Variants in CALN1 observed in about 807,000 individuals in gnomAD.
CALN1 encodes calcium-binding protein 8.
A neutral mutation model predicts 30.6 loss-of-function variants in CALN1; 17 were observed. The observed-to-expected ratio is 0.56, with a 90% confidence interval of 0.38 to 0.83. The LOEUF (loss-of-function observed/expected upper bound fraction) is 0.83. Among genes scored for constraint, CALN1 ranks in the 40% least tolerant of loss-of-function variants. The pLI is 0.00. For missense variants in CALN1, 291 were observed against 354.9 expected (o/e 0.82, Z 1.45); for synonymous variants, 156 against 131.4 (o/e 1.19, Z -1.28).
intron 5 of CALN1, among the ~76,000 whole-genome samples, chr7:71,895,897 C>G (rs568978526): frequency 6.6e-6 from 1 of 152,274 alleles, no homozygotes; most frequent in East Asian, 1.9e-4. Context: ...CCCATCATTA[C>G]CTTAGATTCT....
chr7:72,110,630 C>A (rs1217934370), intron 3 of CALN1, among the ~76,000 whole-genome samples: 1 of 150,374 alleles, frequency 6.7e-6, no homozygotes, highest in Non-Finnish European at 1.5e-5. Context: ...GTCTGTCTGT[C>A]TGCAGAAGCA....
In CALN1 at chr7:72,202,365, GAGT is replaced by G. The variant is rs1286436391; in HGVS notation, c.244+76318_244+76320del. ...TAAATATAATAAATTTTTCAGAATA[GAGT>G]AGAACAAAAACAACAAACTAATGAA... On this transcript the variant is annotated intron_variant, in intron 3 of 6. Transcript: ENST00000395275. 3.3e-5 allele frequency among the ~76,000 whole-genome samples: 5 copies of G among 152,124 alleles called. No individual in the cohort carries two copies. In the South Asian group the frequency reaches 6.2e-4, roughly 19 times the overall value.
intron 3 of CALN1, among the ~76,000 whole-genome samples, chr7:72,214,554 G>A (rs1009901248): frequency 1.7e-4 from 26 of 152,046 alleles, no homozygotes; most frequent in African/African-American, 6.3e-4. Flanking sequence ...GGACTTTGAG[G>A]CTGCAGTGAG....
chr7:72,090,463 T>C (rs6957714), intron 4 of CALN1, among the ~76,000 whole-genome samples: 2 of 152,168 alleles, frequency 1.3e-5, no homozygotes, highest in Non-Finnish European at 2.9e-5. Flanking sequence ...TATTAAAATT[T>C]GAGAGATATT....
intron 5 of CALN1, among the ~76,000 whole-genome samples, chr7:72,012,947 C>T (rs1447794669): frequency 1.3e-5 from 2 of 152,160 alleles, no homozygotes; most frequent in Non-Finnish European, 2.9e-5. Context: ...AGGTGCACGC[C>T]ACCACGCTTG....
chr7:72,229,724 T>C lies in CALN1; in HGVS notation c.244+48962A>G, dbSNP rs149446634. Among the ~76,000 whole-genome samples the C allele has an allele frequency of 8.8e-4, 134 of 151,900 alleles. 1 individual carries two copies. Among genetic ancestry groups the C allele is most frequent in the Admixed American group, 2.2e-3 (34 of 15,266 alleles). On this transcript the variant is annotated intron_variant, in intron 3 of 6. Coordinates refer to ENST00000395275, the MANE Select transcript of CALN1 (RefSeq NM_031468.4). ...GCATGTTCTCACTCATAAGTGGAAG[T>C]TGAACAATGAGAACACATGGACACA...
At chr7:71,966,160 A>G (rs912374718) in intron 5 of CALN1, among the ~76,000 whole-genome samples, 2 of 152,222 alleles carry the variant, frequency 1.3e-5, no homozygotes, top group Admixed American at 1.3e-4. Context: ...TTCTATCCCA[A>G]CAATTCAACT....
chr7:72,496,378 G>GA, the CALN1 span, among the ~76,000 whole-genome samples: 22,231 of 152,084 alleles, frequency 0.15, 1,766 homozygotes, highest in African/African-American at 0.18. Context: ...GTTTGTATCA[G>GA]AAAAAACCAT....
intron 2 of CALN1, among the ~76,000 whole-genome samples, chr7:72,327,767 A>G (rs141670331): frequency 2.2e-4 from 34 of 152,344 alleles, no homozygotes; most frequent in East Asian, 9.6e-4. Flanking sequence ...TCTATTCTTC[A>G]TAAGTATAAA....
chr7:71,944,615 A>AAAAAG, intron 5 of CALN1, among the ~76,000 whole-genome samples: 1 of 148,836 alleles, frequency 6.7e-6, no homozygotes, highest in African/African-American at 2.5e-5. Context: ...AAAAAAAAAA[A>AAAAAG]AAGAAAGAAA....
At chr7:71,788,891 C>T (rs187078773) in intron 6 of CALN1, among the ~76,000 whole-genome samples, 14 of 152,206 alleles carry the variant, frequency 9.2e-5, no homozygotes, top group African/African-American at 2.9e-4. Flanking sequence ...ATCTCCTGAC[C>T]TTGTGATCTA....
At chr7:72,087,195 C>A (rs946181431) in intron 4 of CALN1, among the ~76,000 whole-genome samples, 12 of 152,100 alleles carry the variant, frequency 7.9e-5, no homozygotes, top group Non-Finnish European at 5.9e-5. Flanking sequence ...AAATGTTTCA[C>A]CCACTGAAAT....
intron 1 of CALN1, among the ~76,000 whole-genome samples, chr7:72,410,725 C>T (rs557469397): frequency 3.0e-4 from 46 of 152,262 alleles, no homozygotes; most frequent in Non-Finnish European, 5.7e-4. Flanking sequence ...CATTGAAAAT[C>T]AGAGTAAAAT....
chr7:71,805,487 T>G (rs770991019), intron 6 of CALN1, among the ~76,000 whole-genome samples: 2 of 152,202 alleles, frequency 1.3e-5, no homozygotes, highest in Non-Finnish European at 2.9e-5. Context: ...CCTTCACAGT[T>G]AGGTGCTAGA....
chr7:72,092,180 G>A (rs1346354713), intron 4 of CALN1, among the ~76,000 whole-genome samples: 1 of 152,016 alleles, frequency 6.6e-6, no homozygotes, highest in Non-Finnish European at 1.5e-5. Flanking sequence ...TCAGTGCTTG[G>A]ATCTGTTCAT....
At chr7:72,498,387 G>A in the CALN1 span, among the ~76,000 whole-genome samples, 317 of 151,712 alleles carry the variant, frequency 2.1e-3, no homozygotes, top group African/African-American at 7.1e-3. Flanking sequence ...GCCACATCAT[G>A]GATAAAAACC....
intron 5 of CALN1, among the ~76,000 whole-genome samples, chr7:72,014,955 T>TC (rs1800294826): frequency 6.6e-6 from 1 of 152,186 alleles, no homozygotes; most frequent in Admixed American, 6.5e-5. Context: ...AGACACTGCG[T>TC]CCAGCCTTTG....
chr7:72,246,327 G>T (rs1562790073), intron 3 of CALN1, among the ~76,000 whole-genome samples: 1 of 152,134 alleles, frequency 6.6e-6, no homozygotes, highest in Non-Finnish European at 1.5e-5. Flanking sequence ...CATTGTGAGG[G>T]GTGAGGGCTC....
chr7:72,250,277 C>G (rs1216112799), intron 3 of CALN1, among the ~76,000 whole-genome samples: 1 of 152,206 alleles, frequency 6.6e-6, no homozygotes, highest in Non-Finnish European at 1.5e-5. Flanking sequence ...GGAAGTCAGA[C>G]AGCCTGGGTC....
Sources: gnomAD v4.1 joint callset for allele counts (sites outside exome capture counted in the v4.1 genomes callset) on GRCh38, gnomAD v4.1.1 for gene constraint, MANE v1.5 for transcripts, NCBI Gene and HGNC (gene_info 2026-07-23, HGNC 2026-07-21) for gene names.